Variants in EMX1 observed in about 807,000 individuals in gnomAD.
EMX1 encodes empty spiracles homeobox 1.
In EMX1, 10 loss-of-function variants were observed where a neutral mutation model predicts 20.1. That is an observed-to-expected ratio of 0.50 (90% CI 0.31 to 0.84). The LOEUF (loss-of-function observed/expected upper bound fraction) is 0.84. Ranked by LOEUF, EMX1 falls within the 40% of genes least tolerant of loss-of-function variation. The probability of loss-of-function intolerance (pLI) is 0.05; values close to 1 mark genes in which losing one functional copy is unlikely to be tolerated. For synonymous variants in EMX1, 250 were observed against 200.4 expected (o/e 1.25, Z -2.09); for missense variants, 424 against 431.9 (o/e 0.98, Z 0.16).
intron 2 of EMX1, chr2:72,926,086 A>G (rs1671195963): frequency 1.3e-5 from 13 of 982,758 alleles, no homozygotes; most frequent in Non-Finnish European, 1.6e-5. Context: ...TCATTTAAAC[A>G]GTAATATTTA....
intron 1 of EMX1, chr2:72,923,992 A>C: frequency 2.0e-6 from 1 of 496,716 alleles, no homozygotes. Flanking sequence ...TGCCCCAGGC[A>C]TTGTGAATGT....
At position 72,918,305 on chromosome 2, in the gene EMX1, G is replaced by A. The variant is rs758757789; in HGVS notation, c.453G>A (p.Gln151=). 1.9e-6 allele frequency: 3 copies of A among 1,571,156 alleles called. No individual in the cohort carries two copies. The highest frequency in any genetic ancestry group is 2.6e-6 in the Non-Finnish European group (3 of 1,169,704). The stretch of plus-strand genomic sequence containing the variant: ...CCCCGCACTCCTTCTTCGGCGCCCA[G>A]CACCGGGACCCTCTCCATTTCTACC... ...LQPPHSFFGA[Q]HRDPLHFYPW... Residue 151 remains glutamine, a synonymous_variant, in exon 1 of 3, where the codon CAG becomes CAA. Coordinates refer to ENST00000258106, the MANE Select transcript of EMX1 (RefSeq NM_004097.3).
rs1258650239 is a variant in EMX1, at chr2:72,917,770, C to A, written c.-83C>A. The A allele has an allele frequency of 2.5e-6, 3 of 1,220,558 alleles. No individual in the cohort carries two copies. The African/African-American group carries it at 4.8e-5, about 19-fold the overall frequency. The allele number at this position is 1,220,558 out of a possible 1,614,324, so 75.6% of individuals were successfully genotyped here. On this transcript the variant is annotated 5_prime_UTR_variant, in exon 1 of 3. Coordinates refer to ENST00000258106, the MANE Select transcript of EMX1 (RefSeq NM_004097.3). ...CCCGCGGTCGCTCGCTCACACACCC[C>A]TCGCCGCTCCGCGCCTGGCTCGCCC...
intron 2 of EMX1, chr2:72,926,257 G>T (rs1004206922): frequency 4.5e-5 from 44 of 985,282 alleles, no homozygotes; most frequent in South Asian, 1.9e-4. Flanking sequence ...GAACCTAGCT[G>T]CCTGTCAATA....
At chr2:72,923,953 TTTC>T (rs1287986396) in intron 1 of EMX1, 3 of 382,704 alleles carry the variant, frequency 7.8e-6, no homozygotes, top group African/African-American at 2.1e-5. Context: ...GCCATGGACT[TTTC>T]TTCCCCACCC....
upstream of EMX1, chr2:72,916,577 T>C (rs914623667): frequency 1.6e-6 from 1 of 618,472 alleles, no homozygotes; most frequent in African/African-American, 1.8e-5. Flanking sequence ...ACGGAAAAAC[T>C]GGCCGGAGCA....
At chr2:72,924,264 CTCTG>C (rs1559059381) in intron 1 of EMX1, 41 bp from the exon 2 acceptor site, 9 of 1,544,458 alleles carry the variant, frequency 5.8e-6, no homozygotes, top group Non-Finnish European at 7.8e-6. Flanking sequence ...CGCCCCTTCT[CTCTG>C]TCTGTACCTG....
intron 1 of EMX1, among the ~76,000 whole-genome samples, chr2:72,919,926 C>T (rs1671070027): frequency 6.6e-6 from 1 of 152,238 alleles, no homozygotes; most frequent in Non-Finnish European, 1.5e-5. Context: ...AAGCCTGGGT[C>T]TCGAAACCTG....
Position 72,933,946 on chromosome 2 carries a change from A to G in EMX1, c.865A>G (p.Asn289Asp), listed in dbSNP as rs376682612. 9.3e-6 allele frequency: 15 copies of G among 1,614,240 alleles called. No individual in the cohort carries two copies. In the African/African-American group the frequency reaches 1.6e-4, roughly 17 times the overall value. Reference sequence around the variant, plus strand: ...TGGGGAGGACATCGATGTCACCTCCAATGACTAGGGTGGGCAACCACAAAC... The same window carrying G: ...TGGGGAGGACATCGATGTCACCTCCGATGACTAGGGTGGGCAACCACAAAC... ...ANGEDIDVTS[N>D]D The change falls in exon 3 of 3, where the codon AAT (asparagine) becomes GAT (aspartate). Residue 289 changes from asparagine to aspartate, a missense_variant. Physicochemically the swap from Asn to Asp is conservative, Grantham distance 23 (BLOSUM62 1). Coordinates refer to ENST00000258106, the MANE Select transcript of EMX1 (RefSeq NM_004097.3).
In EMX1 at chr2:72,917,862, G is replaced by T; in HGVS notation, c.10G>T (p.Ala4Ser). 6.8e-7 allele frequency: 1 copy of T among 1,466,690 alleles called. No homozygotes were observed. The highest frequency in any genetic ancestry group is 9.0e-7 in the Non-Finnish European group (1 of 1,116,182). The allele number at this position is 1,466,690 out of a possible 1,614,324, so 90.9% of individuals were successfully genotyped here. A position where few individuals can be genotyped will look rare whatever the true frequency, so the allele number is the denominator to read the frequency against. ...GTGCGGGCGGGTGTGCATGTGCCTG[G>T]CTGGGTGCACACCCCGCAAGGCGGC... MCLAGCTPRKAAAP... is the reference protein window; with the variant it reads MCLSGCTPRKAAAP... The change falls in exon 1 of 3, where the codon GCT becomes TCT. Residue 4 changes from alanine (A) to serine (S), a missense_variant. Ala to Ser is a moderately conservative substitution (Grantham distance 99). This residue lies in a region of EMX1 where 333 missense variants were observed against 296.6 expected (regional missense o/e 1.12). Transcript: ENST00000258106.
chr2:72,927,072 T>G (rs1003718666), intron 2 of EMX1, among the ~76,000 whole-genome samples: 1 of 152,220 alleles, frequency 6.6e-6, no homozygotes, highest in Non-Finnish European at 1.5e-5. Flanking sequence ...GTTTTACATC[T>G]AGCCATATAC....
intron 1 of EMX1, among the ~76,000 whole-genome samples, chr2:72,920,866 T>G (rs1331055285): frequency 6.6e-6 from 1 of 152,170 alleles, no homozygotes; most frequent in East Asian, 1.9e-4. Context: ...ATCAGGAACT[T>G]TCCGGGTCTA....
intron 1 of EMX1, among the ~76,000 whole-genome samples, chr2:72,921,332 C>A (rs1484285624): frequency 6.6e-6 from 1 of 152,164 alleles, no homozygotes; most frequent in African/African-American, 2.4e-5. Context: ...TGTCCTAGTC[C>A]GAAACTGACA....
At chr2:72,929,336 A>G (rs1456633248) in intron 2 of EMX1, among the ~76,000 whole-genome samples, 8 of 152,172 alleles carry the variant, frequency 5.3e-5, no homozygotes, top group East Asian at 1.9e-4. Context: ...AGACAGAGGA[A>G]GGGTCCAGGC....
rs1294099756 is a variant in EMX1, at chr2:72,934,301, CA to C, written c.*348del. ...GGCACCACTGTAGTTTAGTGATCCC[CA>C]GTGTCCCCCTTCCCTATGGGAATAA... On this transcript the variant is annotated 3_prime_UTR_variant, in exon 3 of 3. Coordinates refer to ENST00000258106, the MANE Select transcript of EMX1 (RefSeq NM_004097.3). The C allele has an allele frequency of 8.8e-6, 2 of 226,704 alleles. No individual in the cohort carries two copies. The highest frequency in any genetic ancestry group is 4.6e-5 in the African/African-American group (2 of 43,756). 14.0% of individuals were successfully genotyped at this position (226,704 alleles called of 1,614,324 possible). A position where few individuals can be genotyped will look rare whatever the true frequency, so the allele number is the denominator to read the frequency against.
chr2:72,919,611 C>G (rs1268035892), intron 1 of EMX1, among the ~76,000 whole-genome samples: 1 of 152,164 alleles, frequency 6.6e-6, no homozygotes, highest in Non-Finnish European at 1.5e-5. Context: ...CACAGAAAAC[C>G]GCTTTCCCAG....
intron 1 of EMX1, among the ~76,000 whole-genome samples, chr2:72,921,499 C>G (rs1341147060): frequency 6.6e-6 from 1 of 152,128 alleles, no homozygotes; most frequent in East Asian, 1.9e-4. Flanking sequence ...GGTACAGGTA[C>G]CTGTGCACCT....
intron 2 of EMX1, chr2:72,925,359 GGATTTGGGT>G: frequency 8.3e-7 from 1 of 1,197,634 alleles, no homozygotes; most frequent in African/African-American, 1.6e-5. Flanking sequence ...ATAGGGAGGT[GGATTTGGGT>G]TCATTGTAAG....
rs978263067 is a variant in EMX1 at position 72,917,599 on chromosome 2, G to T, written c.-254G>T. On this transcript the variant is annotated 5_prime_UTR_variant, in exon 1 of 3. Transcript: ENST00000258106. ...CCGGGGGCTGGGGTCGGTCCCAGCG[G>T]GACTCCGAAAGGAGGGAGACGAGCT... is the stretch of plus-strand genomic sequence containing the variant. The T allele has an allele frequency of 9.1e-6, 2 of 220,256 alleles. No homozygotes were observed. Among genetic ancestry groups the T allele is most frequent in the Non-Finnish European group, 1.7e-5 (2 of 114,446 alleles). 13.6% of individuals were successfully genotyped at this position (220,256 alleles called of 1,614,324 possible).
Sources: gnomAD v4.1 joint callset for allele counts (sites outside exome capture counted in the v4.1 genomes callset) on GRCh38, gnomAD v4.1.1 for gene constraint, gnomAD v4.1.1 regional missense constraint, MANE v1.5 for transcripts, NCBI Gene and HGNC (gene_info 2026-07-23, HGNC 2026-07-21) for gene names.